ARHGAP6: variants seen among roughly 807,000 people sequenced by gnomAD.
ARHGAP6 encodes the protein Rho GTPase activating protein 6.
In ARHGAP6, 16 loss-of-function variants were observed where a neutral mutation model predicts 55.7. The observed-to-expected ratio is 0.29, with a 90% CI of 0.19 to 0.44. The LOEUF is 0.44. Among genes scored for constraint, ARHGAP6 ranks in the 20% least tolerant of loss-of-function variants. The pLI is 1.00. For synonymous variants in ARHGAP6, 382 were observed against 360.9 expected (o/e 1.06, Z -0.66); for missense variants, 698 against 808.9 (o/e 0.86, Z 1.66).
chrX:11,315,437 A>G (rs926139753), intron 1 of ARHGAP6, among the ~76,000 whole-genome samples: 1 of 111,417 alleles, frequency 9.0e-6, no homozygotes, highest in African/African-American at 3.3e-5. Flanking sequence ...AGTAATGCTC[A>G]CTCCTGCTGT....
intron 1 of ARHGAP6, among the ~76,000 whole-genome samples, chrX:11,374,414 C>T (rs2049177178): frequency 8.9e-6 from 1 of 111,893 alleles, no homozygotes; most frequent in Non-Finnish European, 1.9e-5. Flanking sequence ...TTCACTGGGA[C>T]AGGGCAGATA....
chrX:11,473,682 T>C (rs2050373325), intron 1 of ARHGAP6, among the ~76,000 whole-genome samples: 1 of 111,959 alleles, frequency 8.9e-6, no homozygotes, highest in Non-Finnish European at 1.9e-5. Context: ...TTTGGACTTC[T>C]GGCCTCCAGA....
chrX:11,521,876 C>T (rs1230096715), intron 1 of ARHGAP6, among the ~76,000 whole-genome samples: 2 of 111,318 alleles, frequency 1.8e-5, no homozygotes, highest in African/African-American at 6.5e-5. Context: ...TCCTTCACGT[C>T]CCTTGTAAGT....
chrX:11,662,419 CACACAT>C (rs909182607), intron 1 of ARHGAP6, among the ~76,000 whole-genome samples: 1 of 111,966 alleles, frequency 8.9e-6, no homozygotes, highest in Non-Finnish European at 1.9e-5. Context: ...CACACACACA[CACACAT>C]ACACACATAT....
chrX:11,265,661 A>C, intron 1 of ARHGAP6: 1 of 829,950 alleles, frequency 1.2e-6, no homozygotes, highest in Non-Finnish European at 1.5e-6. Context: ...AAAGTAGTGT[A>C]AGTATAGATA....
chrX:11,654,932 T>C (rs768249543), intron 1 of ARHGAP6, among the ~76,000 whole-genome samples: 2 of 112,528 alleles, frequency 1.8e-5, no homozygotes, highest in East Asian at 2.8e-4. Context: ...TTTTAAAGTA[T>C]ACAATTCAGT....
intron 1 of ARHGAP6, among the ~76,000 whole-genome samples, chrX:11,319,655 T>C (rs1458916433): frequency 8.9e-6 from 1 of 112,472 alleles, no homozygotes. Flanking sequence ...ATTATGCTGA[T>C]TTCAAATTTC....
chrX:11,358,431 ATCTTTCTTTCTTTCTTTCTTTCTT>A (rs546950014), intron 1 of ARHGAP6, among the ~76,000 whole-genome samples: 40 of 72,497 alleles, frequency 5.5e-4, no homozygotes, highest in South Asian at 3.3e-3. Flanking sequence ...TTTTAACTGT[ATCTTTCTTTCTTTCTTTCTTTCTT>A]TCTTTCTTTC....
chrX:11,145,873 C>A lies in ARHGAP6; in HGVS notation c.1908-1625G>T, dbSNP rs1412315578. Among the ~76,000 whole-genome samples, 4 of 112,497 alleles carry A rather than the reference C, an allele frequency of 3.6e-5. No individual in the cohort carries two copies. In the East Asian group the frequency reaches 8.3e-4, roughly 23 times the overall value. On this transcript the variant is annotated intron_variant, in intron 10 of 12. Transcript: ENST00000337414. ...AAAGGGAAACTCAGGGTGGGGCCAG[C>A]AAATTTTTTAAAGAATCCCTCCAGG...
intron 1 of ARHGAP6, among the ~76,000 whole-genome samples, chrX:11,295,212 TAC>T (rs2048062971): frequency 1.8e-5 from 2 of 111,536 alleles, no homozygotes; most frequent in Admixed American, 9.5e-5. Context: ...GGACAAATAT[TAC>T]AGAGATGCCA....
At chrX:11,505,469 A>T (rs1183085907) in intron 1 of ARHGAP6, among the ~76,000 whole-genome samples, 1 of 111,579 alleles carries the variant, frequency 9.0e-6, no homozygotes, top group Non-Finnish European at 1.9e-5. Context: ...AATTAGTTCA[A>T]CCATTGTGGA....
At chrX:11,186,190 G>A in intron 5 of ARHGAP6, 46 bp downstream of exon 5, 1 of 1,112,807 alleles carries the variant, frequency 9.0e-7, no homozygotes. Context: ...AATGATGCTT[G>A]AATAAATGAA....
intron 1 of ARHGAP6, among the ~76,000 whole-genome samples, chrX:11,477,652 C>G (rs898835151): frequency 8.9e-6 from 1 of 111,875 alleles, no homozygotes; most frequent in Admixed American, 9.4e-5. Context: ...TATGTCTGTA[C>G]AGTGGAATAT....
At chrX:11,564,782 G>A (rs753012686) in intron 1 of ARHGAP6, among the ~76,000 whole-genome samples, 7 of 111,614 alleles carry the variant, frequency 6.3e-5, no homozygotes, top group Non-Finnish European at 9.4e-5. Flanking sequence ...CAAATGTTAT[G>A]AATCACATGA....
intron 1 of ARHGAP6, among the ~76,000 whole-genome samples, chrX:11,410,947 C>G: frequency 9.4e-6 from 1 of 106,664 alleles, no homozygotes. Context: ...TACCACTGTG[C>G]TAGAAAAAAT....
Position 11,197,855 on chromosome X carries a change from C to G in ARHGAP6, c.749-859G>C, listed in dbSNP as rs768461465. On this transcript the variant is annotated intron_variant, in intron 2 of 12. Coordinates refer to ENST00000337414, the MANE Select transcript of ARHGAP6 (RefSeq NM_013427.3). ...CATAAAATATTGGCATTCATCATTGCCAGAATGCGTTTTGAGGTTATGCAG... is the reference window on the plus strand; with the variant it reads ...CATAAAATATTGGCATTCATCATTGGCAGAATGCGTTTTGAGGTTATGCAG... 3.6e-5 allele frequency among the ~76,000 whole-genome samples: 4 copies of G among 111,756 alleles called. No homozygotes were observed. In the East Asian group the frequency reaches 1.1e-3, roughly 31 times the overall value.
At chrX:11,331,717 T>C (rs1336288999) in intron 1 of ARHGAP6, among the ~76,000 whole-genome samples, 1 of 112,077 alleles carries the variant, frequency 8.9e-6, no homozygotes, top group Non-Finnish European at 1.9e-5. Flanking sequence ...TGAATTCAAA[T>C]GCTATAGATA....
At chrX:11,355,409 T>A (rs1235982611) in intron 1 of ARHGAP6, among the ~76,000 whole-genome samples, 1 of 112,237 alleles carries the variant, frequency 8.9e-6, no homozygotes, top group African/African-American at 3.2e-5. Flanking sequence ...AAGAAACTGA[T>A]GTTGAGACTG....
intron 10 of ARHGAP6, among the ~76,000 whole-genome samples, chrX:11,146,499 C>G (rs752721699): frequency 8.0e-5 from 9 of 112,596 alleles, no homozygotes; most frequent in African/African-American, 2.6e-4. Context: ...CCCCACCCCC[C>G]AGTGTATCCC....
Sources: gnomAD v4.1 joint callset for allele counts (sites outside exome capture counted in the v4.1 genomes callset) on GRCh38, gnomAD v4.1.1 for gene constraint, MANE v1.5 for transcripts, NCBI Gene and HGNC (gene_info 2026-07-23, HGNC 2026-07-21) for gene names.